Variants in RAPGEF2 observed in about 807,000 individuals in gnomAD.
The protein encoded by RAPGEF2 is Rap guanine nucleotide exchange factor 2.
Under a neutral mutation model 186.7 loss-of-function variants are expected in RAPGEF2, and 54 were observed. That is an observed-to-expected ratio of 0.29 (90% CI 0.23 to 0.36). The LOEUF (loss-of-function observed/expected upper bound fraction) is 0.36, where lower values mean the gene tolerates loss of function less well. Among genes scored for constraint, RAPGEF2 ranks in the 10% least tolerant of loss-of-function variants. The pLI is 1.00. For missense variants in RAPGEF2, 1,532 were observed against 2,045.0 expected (o/e 0.75, Z 4.84); for synonymous variants, 712 against 705.9 (o/e 1.01, Z -0.14).
chr4:159,342,558 T>TTTATTTTATTTTATA (rs1729656503), intron 20 of RAPGEF2, among the ~76,000 whole-genome samples: 10 of 48,558 alleles, frequency 2.1e-4, no homozygotes, highest in African/African-American at 5.3e-4. Context: ...TTTATATTAT[T>TTTATTTTATTTTATA]TTATTTTATT....
At chr4:159,321,727 G>A (rs1388724177) in intron 9 of RAPGEF2, among the ~76,000 whole-genome samples, 1 of 152,202 alleles carries the variant, frequency 6.6e-6, no homozygotes, top group East Asian at 1.9e-4. Flanking sequence ...CCCTACCAAA[G>A]TGTAAGCTGT....
At chr4:159,170,081 CTT>C (rs36018963) in intron 1 of RAPGEF2, among the ~76,000 whole-genome samples, 5 of 146,154 alleles carry the variant, frequency 3.4e-5, no homozygotes, top group Admixed American at 6.8e-5. Flanking sequence ...ATGCTCATCT[CTT>C]TTTTTTTTTT....
At chr4:159,218,929 G>A (rs1308737730) in intron 4 of RAPGEF2, among the ~76,000 whole-genome samples, 2 of 152,178 alleles carry the variant, frequency 1.3e-5, no homozygotes, top group East Asian at 1.9e-4. Flanking sequence ...GCAGAAGCAG[G>A]TGATTGGGCC....
Position 159,315,613 on chromosome 4 carries a change from AC to A in RAPGEF2, c.853+846del, listed in dbSNP as rs536119518. On this transcript the variant is annotated intron_variant, in intron 9 of 29. Coordinates refer to ENST00000691494, the MANE Select transcript of RAPGEF2 (RefSeq NM_001394067.2). ...TGCACTGGTATTTATTGGATACAAA[AC>A]AAAGGGGCAGGATAAGGAGTGTGAG... 1.1e-3 allele frequency among the ~76,000 whole-genome samples: 169 copies of A among 152,276 alleles called. 1 individual carries two copies. In the Middle Eastern group the frequency reaches 0.014, roughly 12 times the overall value.
At chr4:159,288,615 C>T (rs1213399981) in intron 7 of RAPGEF2, among the ~76,000 whole-genome samples, 2 of 152,140 alleles carry the variant, frequency 1.3e-5, no homozygotes, top group Non-Finnish European at 2.9e-5. Flanking sequence ...AGTGACTTCT[C>T]ATTGCACTTA....
At chr4:159,195,904 T>TTTTTC (rs1332913499) in intron 3 of RAPGEF2, among the ~76,000 whole-genome samples, 3 of 128,840 alleles carry the variant, frequency 2.3e-5, no homozygotes, top group African/African-American at 6.8e-5. Flanking sequence ...TTTTTTTTTT[T>TTTTTC]CCCCAAGTAG....
At chr4:159,277,110 T>C (rs1759006231) in intron 7 of RAPGEF2, among the ~76,000 whole-genome samples, 1 of 145,928 alleles carries the variant, frequency 6.9e-6, no homozygotes, top group South Asian at 2.4e-4. Context: ...TGTGTGATGT[T>C]CCCTATCCTG....
chr4:159,283,581 A>C (rs1760027121), intron 7 of RAPGEF2, among the ~76,000 whole-genome samples: 3 of 152,224 alleles, frequency 2.0e-5, no homozygotes, highest in African/African-American at 7.2e-5. Context: ...GAAATGAATT[A>C]TCTAATGCCA....
At chr4:159,153,336 G>T (rs551868855) in intron 1 of RAPGEF2, among the ~76,000 whole-genome samples, 2 of 152,134 alleles carry the variant, frequency 1.3e-5, no homozygotes, top group Non-Finnish European at 2.9e-5. Flanking sequence ...TGATTTAATC[G>T]ATTTGGAGTG....
In RAPGEF2 at chr4:159,294,634, TCTTCCTTCCTTCCTTCCTTCCTTCCTTC is replaced by T. The variant is rs1207452261; in HGVS notation, c.544-9679_544-9652del. ...CACTTGAGCTCTTTGAGCTTCCATTTCTTCCTTCCTTCCTTCCTTCCTTCCTTCCTTCCTTCCTTCCTTCCTTCCTTCC... is the reference window on the plus strand; with the variant it reads ...CACTTGAGCTCTTTGAGCTTCCATTTCTTCCTTCCTTCCTTCCTTCCTTCC... On this transcript the variant is annotated intron_variant, in intron 7 of 29. Coordinates refer to ENST00000691494, the MANE Select transcript of RAPGEF2 (RefSeq NM_001394067.2). 1.1e-4 allele frequency among the ~76,000 whole-genome samples: 14 copies of T among 133,104 alleles called. No homozygotes were observed. The South Asian group carries it at 1.1e-3, about 10-fold the overall frequency. 87.3% of individuals were successfully genotyped at this position (133,104 alleles called of 152,430 possible). A position where few individuals can be genotyped will look rare whatever the true frequency, so the allele number is the denominator to read the frequency against.
At chr4:159,162,523 G>A (rs915079293) in intron 1 of RAPGEF2, among the ~76,000 whole-genome samples, 11 of 152,024 alleles carry the variant, frequency 7.2e-5, no homozygotes, top group African/African-American at 2.7e-4. Context: ...ATTCAGGTTT[G>A]TTGTATATAT....
intron 1 of RAPGEF2, among the ~76,000 whole-genome samples, chr4:159,171,472 A>G (rs561366164): frequency 6.6e-6 from 1 of 152,098 alleles, no homozygotes; most frequent in Non-Finnish European, 1.5e-5. Flanking sequence ...CAGATACTGA[A>G]CTCAGTCAGT....
rs758727409 is a variant in RAPGEF2 at position 159,356,067 on chromosome 4, G to A, written c.4866G>A (p.Arg1622=). 7 of 1,614,130 alleles carry A rather than the reference G, an allele frequency of 4.3e-6. No homozygotes were observed. The highest frequency in any genetic ancestry group is 1.7e-5 in the Admixed American group (1 of 60,018). ...QQPHGHPTSS[R]PVNKPQWHKP... ...CACATGGGCATCCCACCAGCAGCAG[G>A]CCTGTGAACAAACCTCAGTGGCATA... The change falls in exon 29 of 30, where the codon AGG becomes AGA. Residue 1622 remains arginine, a synonymous_variant. Transcript: ENST00000691494.
chr4:159,179,739 T>A (rs538656932), intron 1 of RAPGEF2, among the ~76,000 whole-genome samples: 1 of 151,066 alleles, frequency 6.6e-6, no homozygotes, highest in South Asian at 2.1e-4. Context: ...AGGAAAGGAG[T>A]GGGGGTAGCT....
intron 11 of RAPGEF2, chr4:159,326,522 A>G (rs1265300425): frequency 6.6e-6 from 1 of 152,260 alleles, no homozygotes; most frequent in African/African-American, 2.4e-5. Flanking sequence ...GCCTAAGAAC[A>G]CAATGATGAA....
At chr4:159,249,616 A>G (rs1221635400) in intron 7 of RAPGEF2, among the ~76,000 whole-genome samples, 2 of 151,910 alleles carry the variant, frequency 1.3e-5, no homozygotes, top group Admixed American at 6.5e-5. Context: ...TAATAATGCT[A>G]TACGTATTTA....
intron 17 of RAPGEF2, among the ~76,000 whole-genome samples, chr4:159,335,998 A>G (rs1489357511): frequency 2.0e-5 from 3 of 152,116 alleles, no homozygotes; most frequent in African/African-American, 4.8e-5. Flanking sequence ...AGACTGCTTT[A>G]TATGGTTGAA....
chr4:159,252,039 C>T (rs1399604669), intron 7 of RAPGEF2, among the ~76,000 whole-genome samples: 1 of 152,154 alleles, frequency 6.6e-6, no homozygotes, highest in Non-Finnish European at 1.5e-5. Context: ...AAGGAACAAA[C>T]TCTGGACACA....
chr4:159,290,662 G>A (rs1761078337), intron 7 of RAPGEF2, among the ~76,000 whole-genome samples: 1 of 152,088 alleles, frequency 6.6e-6, no homozygotes, highest in South Asian at 2.1e-4. Context: ...TGGAGCATTG[G>A]CAGAAGTGAG....
Sources: gnomAD v4.1 joint callset for allele counts (sites outside exome capture counted in the v4.1 genomes callset) on GRCh38, gnomAD v4.1.1 for gene constraint, MANE v1.5 for transcripts, NCBI Gene and HGNC (gene_info 2026-07-23, HGNC 2026-07-21) for gene names.